AKAP13: variants seen among roughly 807,000 people sequenced by gnomAD.
AKAP13 encodes A-kinase anchor protein 13.
In AKAP13, 80 loss-of-function variants were observed where a neutral mutation model predicts 264.5. The observed-to-expected ratio is 0.30, with a 90% CI of 0.25 to 0.36. The LOEUF (loss-of-function observed/expected upper bound fraction) is 0.36, where lower values mean the gene tolerates loss of function less well. Among genes scored for constraint, AKAP13 ranks in the 10% least tolerant of loss-of-function variants. AKAP13 has a pLI of 1.00. For synonymous variants in AKAP13, 1,380 were observed against 1,250.2 expected (o/e 1.10, Z -2.19); for missense variants, 3,712 against 3,435.2 (o/e 1.08, Z -2.01).
At chr15:85,689,920 G>C (rs1048970329) in intron 16 of AKAP13, 1 of 152,254 alleles carries the variant, frequency 6.6e-6, no homozygotes, top group Admixed American at 6.5e-5. Context: ...GCCAGTCTCT[G>C]GCTTCCTCTT....
chr15:85,702,175 G>C (rs1407932683), intron 17 of AKAP13: 1 of 152,238 alleles, frequency 6.6e-6, no homozygotes, highest in Admixed American at 6.5e-5. Context: ...GAACCCGGGA[G>C]GCGGAGGTTA....
At chr15:85,597,778 G>C (rs1285527327) in intron 8 of AKAP13, among the ~76,000 whole-genome samples, 1 of 152,142 alleles carries the variant, frequency 6.6e-6, no homozygotes, top group Non-Finnish European at 1.5e-5. Context: ...TTTTGGGTGT[G>C]CTTGTTGTGT....
intron 2 of AKAP13, among the ~76,000 whole-genome samples, chr15:85,502,480 A>C (rs947839696): frequency 6.6e-6 from 1 of 152,232 alleles, no homozygotes; most frequent in Admixed American, 6.5e-5. Flanking sequence ...ATATTCCTGC[A>C]CACCTTTATC....
intron 2 of AKAP13, among the ~76,000 whole-genome samples, chr15:85,500,185 A>C (rs1336752205): frequency 2.0e-5 from 3 of 152,122 alleles, no homozygotes; most frequent in Admixed American, 1.3e-4. Context: ...CTTTGCTTTG[A>C]TCTTTGGGTA....
intron 1 of AKAP13, among the ~76,000 whole-genome samples, chr15:85,476,506 C>A (rs577716121): frequency 2.0e-3 from 306 of 152,300 alleles, no homozygotes; most frequent in Non-Finnish European, 3.3e-3. Context: ...TAGGAGCTTA[C>A]TTTATTATTT....
intron 1 of AKAP13, among the ~76,000 whole-genome samples, chr15:85,457,649 T>G (rs2074330208): frequency 6.6e-6 from 1 of 152,236 alleles, no homozygotes; most frequent in South Asian, 2.1e-4. Context: ...ATAATTTGCC[T>G]TTAGGCTCTT....
At position 85,735,132 on chromosome 15, in the gene AKAP13, C is replaced by G; in HGVS notation, c.7423C>G (p.Gln2475Glu). 2 of 1,613,882 alleles carry G rather than the reference C, an allele frequency of 1.2e-6. No homozygotes were observed. Among genetic ancestry groups the G allele is most frequent in the Non-Finnish European group, 1.7e-6 (2 of 1,179,926 alleles). Residue 2475 changes from glutamine to glutamate, a missense_variant, in exon 31 of 37, where the codon CAG (glutamine) becomes GAG (glutamate). By Grantham distance (29) the Gln-to-Glu change is conservative. Around this residue, in one of 3 missense-constraint regions of AKAP13, gnomAD observed 611 missense variants for 539.3 expected, o/e 1.13. Transcript: ENST00000394518. The part of the protein sequence containing the change: ...AETFGGFDSH[Q>E]MNASKGGEKE... ...GACCTTTGGAGGATTTGACAGCCAT[C>G]AGATGAATGCTTCAAAAGGTAAATG... is the stretch of plus-strand genomic sequence containing the variant.
intron 34 of AKAP13, among the ~76,000 whole-genome samples, chr15:85,740,745 C>T (rs1245979950): frequency 1.5e-5 from 2 of 130,370 alleles, no homozygotes; most frequent in African/African-American, 6.0e-5. Context: ...CACAACCCAC[C>T]CACCCACACA....
chr15:85,414,267 C>T (rs569879168), intron 1 of AKAP13, among the ~76,000 whole-genome samples: 1 of 152,158 alleles, frequency 6.6e-6, no homozygotes, highest in South Asian at 2.1e-4. Flanking sequence ...TAAAGATTGC[C>T]TATTCATTTC....
At chr15:85,447,464 C>G (rs1040454454) in intron 1 of AKAP13, among the ~76,000 whole-genome samples, 2 of 152,068 alleles carry the variant, frequency 1.3e-5, no homozygotes, top group Non-Finnish European at 2.9e-5. Flanking sequence ...CATATTATTA[C>G]ATCACCCAGG....
chr15:85,693,612 A>G (rs555708363), intron 17 of AKAP13, among the ~76,000 whole-genome samples, 161 bp downstream of exon 17: 1 of 152,178 alleles, frequency 6.6e-6, no homozygotes, highest in South Asian at 2.1e-4. Context: ...GAAATTCTAG[A>G]TGTATAACAT....
chr15:85,570,964 T>G (rs1395087175), intron 5 of AKAP13, among the ~76,000 whole-genome samples: 1 of 151,898 alleles, frequency 6.6e-6, no homozygotes, highest in Non-Finnish European at 1.5e-5. Context: ...TGTTGTTTTT[T>G]TTTTTTGTAA....
intron 34 of AKAP13, 48 bp from the exon 35 acceptor site, chr15:85,740,998 C>CT: frequency 6.4e-7 from 1 of 1,555,726 alleles, no homozygotes; most frequent in Non-Finnish European, 8.7e-7. Context: ...CAGAAGCTCG[C>CT]TGTCGTCCTG....
At position 85,581,268 on chromosome 15, in the gene AKAP13, T is replaced by G. The variant is rs114185694; in HGVS notation, c.3200T>G (p.Val1067Gly). 3.0e-4 allele frequency: 480 copies of G among 1,614,108 alleles called. 1 individual carries two copies. The highest frequency in any genetic ancestry group is 2.8e-4 in the Non-Finnish European group (335 of 1,180,010). Residue 1067 changes from valine (V) to glycine (G), a missense_variant, in exon 7 of 37, where the codon GTT becomes GGT. Physicochemically the swap from Val to Gly is moderately radical, Grantham distance 109 (BLOSUM62 -3). Coordinates refer to ENST00000394518, the MANE Select transcript of AKAP13 (RefSeq NM_007200.5). ...TGCAGTCAGCCTTCTCCTCTGGATGTTGGAGTGAAGAACACTCAATCCCAG... is the reference window on the plus strand; with the variant it reads ...TGCAGTCAGCCTTCTCCTCTGGATGGTGGAGTGAAGAACACTCAATCCCAG... ...LNCSQPSPLD[V>G]GVKNTQSQGK...
At chr15:85,612,695 T>G (rs945571195) in intron 8 of AKAP13, among the ~76,000 whole-genome samples, 1 of 151,946 alleles carries the variant, frequency 6.6e-6, no homozygotes, top group Non-Finnish European at 1.5e-5. Flanking sequence ...TAGTGACACG[T>G]GCCTATAATC....
chr15:85,528,147 T>C (rs2077140270), intron 3 of AKAP13, among the ~76,000 whole-genome samples: 2 of 152,226 alleles, frequency 1.3e-5, no homozygotes, highest in South Asian at 4.1e-4. Flanking sequence ...TTCGTTTCCA[T>C]GGGTGCGGTG....
intron 12 of AKAP13, among the ~76,000 whole-genome samples, chr15:85,663,586 A>G (rs1045753103): frequency 6.6e-6 from 1 of 152,198 alleles, no homozygotes; most frequent in Admixed American, 6.5e-5. Flanking sequence ...GGAGGTAACT[A>G]AGTAGCTTCA....
intron 4 of AKAP13, 107 bp downstream of exon 4, chr15:85,533,987 G>A (rs2077314511): frequency 8.1e-7 from 1 of 1,229,518 alleles, no homozygotes; most frequent in Non-Finnish European, 1.1e-6. Flanking sequence ...CTTCCACAGA[G>A]GCTGCGTAAA....
chr15:85,434,328 G>C (rs1018570644), intron 1 of AKAP13, among the ~76,000 whole-genome samples: 1 of 152,140 alleles, frequency 6.6e-6, no homozygotes, highest in Non-Finnish European at 1.5e-5. Context: ...CTACGCCCAC[G>C]GAATCTCGCT....
Sources: allele counts gnomAD v4.1 joint callset (sites outside exome capture counted in the v4.1 genomes callset), GRCh38; gene constraint gnomAD v4.1.1; regional missense constraint gnomAD v4.1.1; transcripts MANE v1.5; gene names NCBI Gene and HGNC (gene_info 2026-07-23, HGNC 2026-07-21).